Variants in DIP2C observed in about 807,000 individuals in gnomAD.
DIP2C encodes the protein DIP2 acetate--CoA ligase C (putative).
Under a neutral mutation model 192.4 loss-of-function variants are expected in DIP2C, and 33 were observed. The observed-to-expected ratio is 0.17, with a 90% CI of 0.13 to 0.23. DIP2C has a LOEUF of 0.23. Among genes scored for constraint, DIP2C ranks in the 10% least tolerant of loss-of-function variants. DIP2C has a pLI of 1.00. For missense variants in DIP2C, 1,537 were observed against 2,110.1 expected, an observed-to-expected ratio of 0.73 and a Z score of 5.32; for synonymous variants, 979 against 864.1, an observed-to-expected ratio of 1.13 and a Z score of -2.33.
At chr10:469,177 G>A (rs776780327) in intron 3 of DIP2C, among the ~76,000 whole-genome samples, 15 of 152,112 alleles carry the variant, frequency 9.9e-5, no homozygotes, top group East Asian at 3.9e-4. Context: ...GTGCAGAATC[G>A]GAGACTATCC....
chr10:578,633 C>T (rs998809196), intron 1 of DIP2C, among the ~76,000 whole-genome samples: 7 of 152,188 alleles, frequency 4.6e-5, no homozygotes, highest in South Asian at 2.1e-4. Flanking sequence ...CCGGTGCTAA[C>T]GAGATGGTGT....
chr10:432,513 C>T (rs10736988), intron 4 of DIP2C, among the ~76,000 whole-genome samples: 149,046 of 152,290 alleles, frequency 0.98, 73,015 homozygotes, highest in Middle Eastern at 1. Flanking sequence ...GTCCATGGGA[C>T]CTGTAGTTAT....
intron 14 of DIP2C, among the ~76,000 whole-genome samples, chr10:386,183 C>T (rs902691138): frequency 6.6e-6 from 1 of 152,218 alleles, no homozygotes; most frequent in African/African-American, 2.4e-5. Flanking sequence ...ATGTAGCTGT[C>T]TGTTCTTTGG....
intron 1 of DIP2C, among the ~76,000 whole-genome samples, chr10:519,851 T>C (rs996631494): frequency 1.3e-5 from 2 of 152,186 alleles, no homozygotes; most frequent in Non-Finnish European, 2.9e-5. Context: ...CCTCTACTTG[T>C]TGCCATTGAG....
chr10:682,238 A>G (rs969712281), intron 1 of DIP2C, among the ~76,000 whole-genome samples: 1 of 152,222 alleles, frequency 6.6e-6, no homozygotes, highest in East Asian at 1.9e-4. Context: ...GGGCCTCTCC[A>G]GCAGAAGATC....
chr10:613,153 T>C (rs898272707), intron 1 of DIP2C, among the ~76,000 whole-genome samples: 6 of 152,166 alleles, frequency 3.9e-5, no homozygotes, highest in Non-Finnish European at 7.3e-5. Flanking sequence ...TCAGGGGAAA[T>C]TACCAGAGTT....
At chr10:392,445 G>C (rs1564653387) in intron 10 of DIP2C, among the ~76,000 whole-genome samples, 1 of 152,164 alleles carries the variant, frequency 6.6e-6, no homozygotes, top group Non-Finnish European at 1.5e-5. Context: ...ATACACATAA[G>C]AAGATCCCAA....
chr10:411,307 G>A lies in DIP2C; in HGVS notation c.1058-2290C>T, dbSNP rs547027774. Among the ~76,000 whole-genome samples, 4 of 152,344 alleles carry A rather than the reference G, an allele frequency of 2.6e-5. 1 individual carries two copies. Among genetic ancestry groups the A allele is most frequent in the Admixed American group, 2.6e-4 (4 of 15,308 alleles). ...AGGCAGAGGAAGAGCGTACCAGAGA[G>A]CTGCTGTGAGGCAGGACGTGAAGGG... On this transcript the variant is annotated intron_variant, in intron 8 of 36. Coordinates refer to ENST00000280886, the MANE Select transcript of DIP2C (RefSeq NM_014974.3).
intron 1 of DIP2C, among the ~76,000 whole-genome samples, chr10:519,413 G>T (rs536618134): frequency 6.6e-6 from 1 of 152,030 alleles, no homozygotes; most frequent in Non-Finnish European, 1.5e-5. Context: ...TCATTCAATC[G>T]CTGACCCACG....
intron 1 of DIP2C, among the ~76,000 whole-genome samples, chr10:613,857 C>T (rs1467124330): frequency 6.6e-6 from 1 of 152,128 alleles, no homozygotes; most frequent in African/African-American, 2.4e-5. Flanking sequence ...GGTTCCCCGG[C>T]CACCCTCCTG....
In DIP2C at chr10:689,190, G is replaced by A. The variant is rs754260755; in HGVS notation, c.85+304C>T. On this transcript the variant is annotated intron_variant, in intron 1 of 36. Transcript: ENST00000280886. This position sits in a 1 kb window ranked among gnomAD's most constrained non-coding sequence, Gnocchi z 6.1. ...CGCGGCCCCACAAACATCCCAGGGCGCGGGGGATCGCGGCCCCACAAACAC... is the reference window on the plus strand; with the variant it reads ...CGCGGCCCCACAAACATCCCAGGGCACGGGGGATCGCGGCCCCACAAACAC... Among the ~76,000 whole-genome samples the A allele has an allele frequency of 1.3e-5, 2 of 151,314 alleles. No homozygotes were observed. The highest frequency in any genetic ancestry group is 3.0e-5 in the Non-Finnish European group (2 of 67,742).
chr10:452,579 C>A (rs563605332), intron 3 of DIP2C, among the ~76,000 whole-genome samples: 1 of 152,164 alleles, frequency 6.6e-6, no homozygotes, highest in Non-Finnish European at 1.5e-5. Context: ...TCTACAATAG[C>A]GATTAAATGG....
chr10:529,478 GTT>G (rs5782555), intron 1 of DIP2C, among the ~76,000 whole-genome samples: 56,236 of 151,922 alleles, frequency 0.37, 11,741 homozygotes, highest in East Asian at 0.66. Flanking sequence ...AGACACAAAA[GTT>G]AGTTCTCAAA....
In DIP2C at chr10:401,445, C is replaced by T. The variant is rs188285040; in HGVS notation, c.1150-2226G>A. Among the ~76,000 whole-genome samples the T allele has an allele frequency of 1.2e-3, 186 of 151,040 alleles. 2 individuals are homozygous for T. The highest frequency in any genetic ancestry group is 4.2e-3 in the African/African-American group (170 of 40,726). ...GATTTTACATGTGTGGTAGCATTAG[C>T]GTTACTATTCCTTATGGACAAGTTT... On this transcript the variant is annotated intron_variant, in intron 9 of 36. Coordinates refer to ENST00000280886, the MANE Select transcript of DIP2C (RefSeq NM_014974.3).
At chr10:601,623 T>C (rs1342902788) in intron 1 of DIP2C, among the ~76,000 whole-genome samples, 1 of 152,172 alleles carries the variant, frequency 6.6e-6, no homozygotes, top group Admixed American at 6.5e-5. Flanking sequence ...CTAACTGTCC[T>C]CTGTGGAAGG....
chr10:325,060 T>C (rs1957211825), intron 31 of DIP2C: 1 of 467,752 alleles, frequency 2.1e-6, no homozygotes, highest in South Asian at 1.5e-5. Flanking sequence ...GGTCAGGAGA[T>C]CAAAACCATG....
chr10:342,356 C>A (rs1958193566), intron 28 of DIP2C, among the ~76,000 whole-genome samples: 2 of 152,150 alleles, frequency 1.3e-5, no homozygotes, highest in Admixed American at 1.3e-4. Flanking sequence ...GACAGGGTTT[C>A]CCCATGTTAG....
intron 13 of DIP2C, among the ~76,000 whole-genome samples, chr10:388,603 G>A (rs747669840): frequency 4.6e-5 from 7 of 151,562 alleles, no homozygotes; most frequent in East Asian, 1.9e-4. Flanking sequence ...CTCCACAAGC[G>A]TGACCACCCT....
At chr10:607,946 C>T (rs1852616739) in intron 1 of DIP2C, among the ~76,000 whole-genome samples, 1 of 151,832 alleles carries the variant, frequency 6.6e-6, no homozygotes, top group Non-Finnish European at 1.5e-5. Flanking sequence ...GTGTGGGTCC[C>T]AGAGGTGGCT....
Sources: gnomAD v4.1 joint callset for allele counts (sites outside exome capture counted in the v4.1 genomes callset) on GRCh38, gnomAD v4.1.1 for gene constraint, Gnocchi (gnomAD v3.1) non-coding constraint, MANE v1.5 for transcripts, NCBI Gene and HGNC (gene_info 2026-07-23, HGNC 2026-07-21) for gene names.